Variants in SPARCL1 observed in about 807,000 individuals in gnomAD.
SPARCL1 encodes SPARC like 1.
A neutral mutation model predicts 67.1 loss-of-function variants in SPARCL1; 52 were observed. The ratio of observed to expected loss-of-function variants is 0.78; its 90% confidence interval spans 0.62 to 0.98. The LOEUF is 0.98. Ranked by LOEUF, SPARCL1 falls within the 50% of genes least tolerant of loss-of-function variation. SPARCL1 has a pLI of 0.00. For missense variants in SPARCL1, 717 were observed against 782.4 expected, an observed-to-expected ratio of 0.92 and a Z score of 1.00; for synonymous variants, 226 against 267.8, an observed-to-expected ratio of 0.84 and a Z score of 1.52.
intron 1 of SPARCL1, among the ~76,000 whole-genome samples, chr4:87,504,099 T>C (rs1176167323): frequency 7.1e-6 from 1 of 140,902 alleles, no homozygotes; most frequent in Non-Finnish European, 1.5e-5. Context: ...GTTGGAAGAA[T>C]AGAGAGTAAA....
chr4:87,482,021 T>G (rs11941154), intron 8 of SPARCL1, among the ~76,000 whole-genome samples: 32,332 of 152,222 alleles, frequency 0.21, 5,148 homozygotes, highest in African/African-American at 0.45. Flanking sequence ...AATCTTAATA[T>G]ATTACTGATA....
intron 1 of SPARCL1, among the ~76,000 whole-genome samples, chr4:87,526,054 A>G (rs1391647173): frequency 1.3e-5 from 2 of 152,248 alleles, no homozygotes; most frequent in Admixed American, 6.5e-5. Context: ...ATAAGAAAGA[A>G]GAAATGTTGG....
intron 5 of SPARCL1, 79 bp from the exon 6 acceptor site, chr4:87,490,957 TTTTCAC>T: frequency 1.1e-6 from 1 of 871,962 alleles, no homozygotes; most frequent in Non-Finnish European, 1.7e-6. Flanking sequence ...ACTAGTTTCA[TTTTCAC>T]TAATGAAGGG....
Position 87,499,532 on chromosome 4 carries a change from C to T in SPARCL1, c.43G>A (p.Ala15Thr), listed in dbSNP as rs748872211. The change falls in exon 2 of 11, where the codon GCT (alanine) becomes ACT (threonine). Residue 15 changes from alanine to threonine, a missense_variant. Ala to Thr is a moderately conservative substitution (Grantham distance 58). Coordinates refer to ENST00000282470, the MANE Select transcript of SPARCL1 (RefSeq NM_004684.6). ...LFFLCLLGTA[A>T]AIPTNARLLS... ...GAAAGGAAATTTACCGGGATTGCAG[C>T]TGCAGTTCCCAAGAGACATAGGAAA... is the stretch of plus-strand genomic sequence containing the variant. 2.5e-6 allele frequency: 4 copies of T among 1,602,296 alleles called. No individual in the cohort carries two copies. The highest frequency in any genetic ancestry group is 2.7e-5 in the African/African-American group (2 of 74,046).
intron 2 of SPARCL1, 83 bp from the exon 3 acceptor site, chr4:87,495,210 T>C (rs1381393842): frequency 1.7e-6 from 2 of 1,155,028 alleles, no homozygotes; most frequent in African/African-American, 3.2e-5. Flanking sequence ...TTGTCATCAT[T>C]ATTAGTAGCA....
rs534729860 is a variant in SPARCL1 at position 87,486,065 on chromosome 4, T to C, written c.1532-3505A>G. Among the ~76,000 whole-genome samples the C allele has an allele frequency of 3.6e-4, 55 of 152,328 alleles. 1 individual carries two copies. The South Asian group carries it at 0.011, about 31-fold the overall frequency. On this transcript the variant is annotated intron_variant, in intron 7 of 10. Coordinates refer to ENST00000282470, the MANE Select transcript of SPARCL1 (RefSeq NM_004684.6). ...AAGGGTTTTTCGTGTCTCTATCTCC[T>C]TCAGTTATGCTCTGATCTTAGTTAT...
At chr4:87,484,515 G>T (rs570775968) in intron 7 of SPARCL1, among the ~76,000 whole-genome samples, 2 of 152,248 alleles carry the variant, frequency 1.3e-5, no homozygotes, top group East Asian at 3.9e-4. Flanking sequence ...GTTAGTTAGC[G>T]TGATGCCTCC....
chr4:87,488,726 G>C (rs1160379136), intron 7 of SPARCL1, among the ~76,000 whole-genome samples: 1 of 152,188 alleles, frequency 6.6e-6, no homozygotes, highest in Admixed American at 6.5e-5. Flanking sequence ...CCAAGGAGAT[G>C]GGAGCTTTAT....
chr4:87,483,154 GTA>G (rs1172547408), intron 7 of SPARCL1, among the ~76,000 whole-genome samples: 1 of 149,578 alleles, frequency 6.7e-6, no homozygotes, highest in East Asian at 2.0e-4. Flanking sequence ...TGTTACATAG[GTA>G]TACACATGCC....
intron 3 of SPARCL1, 117 bp downstream of exon 3, chr4:87,494,864 C>T: frequency 1.0e-6 from 1 of 967,170 alleles, no homozygotes; most frequent in South Asian, 1.8e-5. Flanking sequence ...AGGTGATCAT[C>T]ATGTTTTAAA....
intron 1 of SPARCL1, among the ~76,000 whole-genome samples, chr4:87,507,250 G>A (rs542878115): frequency 3.4e-4 from 52 of 152,316 alleles, no homozygotes; most frequent in Middle Eastern, 3.4e-3. Flanking sequence ...ATTATCAAAC[G>A]TGTTTTGCAT....
intron 1 of SPARCL1, among the ~76,000 whole-genome samples, chr4:87,508,223 T>G (rs898848974): frequency 3.3e-5 from 5 of 151,640 alleles, no homozygotes; most frequent in African/African-American, 1.2e-4. Flanking sequence ...CCTCTTTTTT[T>G]TTTCCTTTGA....
At chr4:87,527,657 G>A (rs1207582247) in intron 1 of SPARCL1, among the ~76,000 whole-genome samples, 1 of 152,154 alleles carries the variant, frequency 6.6e-6, no homozygotes, top group Non-Finnish European at 1.5e-5. Context: ...GGAAATGCCA[G>A]CACTCTAATT....
chr4:87,499,796 G>A (rs1339801831), intron 1 of SPARCL1, among the ~76,000 whole-genome samples: 1 of 152,014 alleles, frequency 6.6e-6, no homozygotes, highest in Non-Finnish European at 1.5e-5. Flanking sequence ...TTTTCGGTCC[G>A]GCCATGTTCG....
At chr4:87,522,179 C>A (rs1380394194) in intron 1 of SPARCL1, among the ~76,000 whole-genome samples, 2 of 152,030 alleles carry the variant, frequency 1.3e-5, no homozygotes, top group African/African-American at 4.8e-5. Flanking sequence ...AAAAGACGTT[C>A]TTCTATTTTG....
chr4:87,488,120 T>C (rs1724149387), intron 7 of SPARCL1, among the ~76,000 whole-genome samples: 1 of 152,208 alleles, frequency 6.6e-6, no homozygotes, highest in Non-Finnish European at 1.5e-5. Flanking sequence ...TCATTCTCCA[T>C]CCACTTTTGT....
chr4:87,513,057 A>G (rs1326664299), intron 1 of SPARCL1, among the ~76,000 whole-genome samples: 1 of 152,208 alleles, frequency 6.6e-6, no homozygotes, highest in African/African-American at 2.4e-5. Flanking sequence ...AAAGAGAAGG[A>G]GGAACTCTTT....
chr4:87,516,272 C>T (rs1403687368), intron 1 of SPARCL1, among the ~76,000 whole-genome samples: 1 of 152,052 alleles, frequency 6.6e-6, no homozygotes, highest in East Asian at 1.9e-4. Context: ...GAGGCCTGCC[C>T]AAATTTCTGA....
Position 87,490,248 on chromosome 4 carries a change from G to A in SPARCL1, c.1531+25C>T, listed in dbSNP as rs774923869. The stretch of plus-strand genomic sequence containing the variant: ...ACCCCAAGCCCTCTCAGAGATGATG[G>A]TTGACAGGAGGGACATAATCTTACA... On this transcript the variant is annotated intron_variant, in intron 7 of 10. Transcript: ENST00000282470. 41 of 1,592,820 alleles carry A rather than the reference G, an allele frequency of 2.6e-5. 1 individual carries two copies. The South Asian group carries it at 3.9e-4, about 15-fold the overall frequency.
Sources: gnomAD v4.1 joint callset for allele counts (sites outside exome capture counted in the v4.1 genomes callset) on GRCh38, gnomAD v4.1.1 for gene constraint, MANE v1.5 for transcripts, NCBI Gene and HGNC (gene_info 2026-07-23, HGNC 2026-07-21) for gene names.